Variants in CWC27 observed in about 807,000 individuals in gnomAD.
CWC27 encodes the protein CWC27 spliceosome associated cyclophilin.
CWC27 carries 47 observed loss-of-function variants against 63.6 expected under a neutral mutation model. The ratio of observed to expected loss-of-function variants is 0.74; its 90% confidence interval spans 0.58 to 0.94. The LOEUF is 0.94. Among genes scored for constraint, CWC27 ranks in the 40% least tolerant of loss-of-function variants. The pLI, the probability that CWC27 is intolerant of heterozygous loss-of-function variation, is 0.00. For missense variants in CWC27, 495 were observed against 554.3 expected (o/e 0.89, Z 1.07); for synonymous variants, 175 against 179.8 (o/e 0.97, Z 0.22).
In CWC27 at chr5:64,836,997, C is replaced by T. The variant is rs13181537; in HGVS notation, c.938+32611C>T. 5.4e-3 allele frequency among the ~76,000 whole-genome samples: 829 copies of T among 152,140 alleles called. 7 individuals are homozygous for T. The highest frequency in any genetic ancestry group is 9.3e-3 in the Non-Finnish European group (634 of 67,944). ...ATTTTCCATACACCAGGAAAAGTTT[C>T]AAAAGGATGGCTTTCGTGCTTGCCA... On this transcript the variant is annotated intron_variant, in intron 10 of 13. Coordinates refer to ENST00000381070, the MANE Select transcript of CWC27 (RefSeq NM_005869.4).
intron 11 of CWC27, among the ~76,000 whole-genome samples, chr5:64,900,480 T>G (rs1747475729): frequency 1.3e-5 from 2 of 152,238 alleles, no homozygotes; most frequent in South Asian, 4.1e-4. Flanking sequence ...GATATATGAT[T>G]TGTAAATATT....
In CWC27 at chr5:64,885,526, A is replaced by G. The variant is rs1394338447; in HGVS notation, c.1022A>G (p.Gln341Arg). ...KQKKVENAAK[Q>R]AEKRSEEEEA... ...AAAAAAGTAGAAAATGCAGCAAAAC[A>G]AGCAGAAAAAAGAAGTGAAGGTAAG... Residue 341 changes from glutamine to arginine, a missense_variant, in exon 11 of 14, where the codon CAA becomes CGA. Transcript: ENST00000381070. 1 of 1,601,464 alleles carries G rather than the reference A, an allele frequency of 6.2e-7. No individual in the cohort carries two copies. Among genetic ancestry groups the G allele is most frequent in the Non-Finnish European group, 8.5e-7 (1 of 1,173,364 alleles).
At chr5:64,936,157 AGG>A (rs1748348340) in intron 11 of CWC27, among the ~76,000 whole-genome samples, 1 of 152,130 alleles carries the variant, frequency 6.6e-6, no homozygotes, top group African/African-American at 2.4e-5. Context: ...ATGATGAGAG[AGG>A]GCATCCTTGT....
In CWC27 at chr5:64,878,470, T is replaced by TAA. The variant is rs397998002; in HGVS notation, c.939-6944_939-6943dup. Among the ~76,000 whole-genome samples, 30 of 26,934 alleles carry TAA rather than the reference T, an allele frequency of 1.1e-3. 8 individuals carry two copies. The East Asian group carries it at 0.019, about 17-fold the overall frequency. The allele number at this position is 26,934 out of a possible 152,430, so 17.7% of individuals were successfully genotyped here. ...GTCAGCACTGTCCTGGGTTACAGAT[T>TAA]AAAAAAAAAAAAAAAAAAAAAAAAA... On this transcript the variant is annotated intron_variant, in intron 10 of 13. Coordinates refer to ENST00000381070, the MANE Select transcript of CWC27 (RefSeq NM_005869.4).
At chr5:64,869,737 AAC>A (rs974496158) in intron 10 of CWC27, among the ~76,000 whole-genome samples, 2 of 152,080 alleles carry the variant, frequency 1.3e-5, no homozygotes, top group African/African-American at 4.8e-5. Context: ...AAAGTCAAGA[AAC>A]ACAGATGATG....
chr5:64,789,543 A>T (rs1340849654), intron 7 of CWC27, among the ~76,000 whole-genome samples: 1 of 152,136 alleles, frequency 6.6e-6, no homozygotes, highest in Non-Finnish European at 1.5e-5. Flanking sequence ...ACAGATGGGA[A>T]CTGAACGCAG....
chr5:64,788,412 G>A (rs1182187051), intron 6 of CWC27, among the ~76,000 whole-genome samples: 2 of 151,566 alleles, frequency 1.3e-5, no homozygotes, highest in Non-Finnish European at 2.9e-5. Flanking sequence ...GATTACTTTT[G>A]TTTGATGAAT....
chr5:64,790,672 C>T (rs1744042638), intron 7 of CWC27, among the ~76,000 whole-genome samples: 1 of 152,128 alleles, frequency 6.6e-6, no homozygotes, highest in Non-Finnish European at 1.5e-5. Flanking sequence ...CTACCTCCCC[C>T]TGCCACTGAA....
chr5:64,884,944 A>T (rs1399795895), intron 10 of CWC27, among the ~76,000 whole-genome samples: 1 of 152,170 alleles, frequency 6.6e-6, no homozygotes, highest in Non-Finnish European at 1.5e-5. Flanking sequence ...TGAGTTAAAA[A>T]CTTGGGTTTA....
intron 11 of CWC27, among the ~76,000 whole-genome samples, chr5:64,915,944 G>A (rs568164910): frequency 6.6e-6 from 1 of 152,114 alleles, no homozygotes; most frequent in Non-Finnish European, 1.5e-5. Context: ...GTATTTACCT[G>A]TAACAGAAAG....
chr5:64,854,312 G>A (rs1456207911), intron 10 of CWC27, among the ~76,000 whole-genome samples: 1 of 152,168 alleles, frequency 6.6e-6, no homozygotes, highest in Non-Finnish European at 1.5e-5. Context: ...ACCTAGACTT[G>A]GGATTGCTGG....
At chr5:64,801,423 A>G (rs1744482436) in intron 9 of CWC27, 91 bp downstream of exon 9, 2 of 1,032,436 alleles carry the variant, frequency 1.9e-6, no homozygotes, top group Non-Finnish European at 2.6e-6. Flanking sequence ...TTAAAAAGTA[A>G]CGTATATTAC....
intron 10 of CWC27, among the ~76,000 whole-genome samples, chr5:64,819,394 G>A (rs919498311): frequency 3.9e-5 from 6 of 152,002 alleles, no homozygotes; most frequent in African/African-American, 7.3e-5. Context: ...GACTGATATG[G>A]TTTGGCTATG....
intron 10 of CWC27, among the ~76,000 whole-genome samples, chr5:64,843,214 G>A (rs1745890964): frequency 6.6e-6 from 1 of 152,144 alleles, no homozygotes; most frequent in Non-Finnish European, 1.5e-5. Context: ...CAAGAACTCT[G>A]AGATTTTCTA....
chr5:64,988,856 A>G (rs183175805), intron 13 of CWC27, among the ~76,000 whole-genome samples: 190 of 152,136 alleles, frequency 1.2e-3, no homozygotes, highest in African/African-American at 4.4e-3. Context: ...CACCCACCTC[A>G]TCCTTCCAAA....
At chr5:64,881,214 T>A (rs757584538) in intron 10 of CWC27, among the ~76,000 whole-genome samples, 10 of 152,184 alleles carry the variant, frequency 6.6e-5, no homozygotes, top group Non-Finnish European at 1.3e-4. Flanking sequence ...CTTGAAACAT[T>A]TAGCATAATG....
intron 10 of CWC27, among the ~76,000 whole-genome samples, chr5:64,834,799 A>T (rs761126545): frequency 9.2e-5 from 14 of 151,734 alleles, no homozygotes; most frequent in Admixed American, 2.6e-4. Context: ...CTAAGCTCTT[A>T]ATCCTTTCCC....
intron 11 of CWC27, among the ~76,000 whole-genome samples, chr5:64,904,753 G>A (rs368742748): frequency 6.6e-5 from 10 of 152,234 alleles, no homozygotes; most frequent in East Asian, 1.9e-4. Flanking sequence ...GTTCCAAAAC[G>A]GACTGATAAA....
intron 7 of CWC27, among the ~76,000 whole-genome samples, chr5:64,793,305 A>G (rs1744143647): frequency 6.6e-6 from 1 of 152,122 alleles, no homozygotes; most frequent in Admixed American, 6.6e-5. Context: ...AAAAGTTAAA[A>G]TCTACAGAAT....
Sources: gnomAD v4.1 joint callset for allele counts (sites outside exome capture counted in the v4.1 genomes callset) on GRCh38, gnomAD v4.1.1 for gene constraint, MANE v1.5 for transcripts, NCBI Gene and HGNC (gene_info 2026-07-23, HGNC 2026-07-21) for gene names.